The following PCBP2 variants were observed in gnomAD, a reference collection of about 807,000 sequenced individuals.
The protein encoded by PCBP2 is poly(rC)-binding protein 2.
In PCBP2, 4 loss-of-function variants were observed where a neutral mutation model predicts 50.1. The ratio of observed to expected loss-of-function variants is 0.08; its 90% CI spans 0.04 to 0.18. The LOEUF (loss-of-function observed/expected upper bound fraction) is 0.18. PCBP2 is among the 10% of genes least tolerant of loss of function. The pLI, the probability that PCBP2 is intolerant of heterozygous loss-of-function variation, is 1.00. For synonymous variants in PCBP2, 179 were observed against 168.0 expected (o/e 1.07, Z -0.51); for missense variants, 161 against 474.3 (o/e 0.34, Z 6.14).
rs571166030 is a variant in PCBP2, at chr12:53,452,833, C to T, written c.-76+457C>T. 19 of 151,556 alleles carry T rather than the reference C, an allele frequency of 1.3e-4. No individual in the cohort carries two copies. The South Asian group carries it at 3.6e-3, about 29-fold the overall frequency. 9.4% of individuals were successfully genotyped at this position (151,556 alleles called of 1,614,324 possible). A position where few individuals can be genotyped will look rare whatever the true frequency, so the allele number is the denominator to read the frequency against. ...CCCCCGACCGAACCGTTTATTTTTT[C>T]CCCCCTCTTTCTAGTCGAGGGAAGG... On this transcript the variant is annotated intron_variant, in intron 1 of 14. Transcript: ENST00000546463.
chr12:53,457,726 C>T (rs1941138550), intron 5 of PCBP2, among the ~76,000 whole-genome samples: 1 of 151,960 alleles, frequency 6.6e-6, no homozygotes, highest in Non-Finnish European at 1.5e-5. Flanking sequence ...TAAACATGTC[C>T]TTGTCTTTAG....
At chr12:53,459,990 C>T in intron 6 of PCBP2, 1 of 359,382 alleles carries the variant, frequency 2.8e-6, no homozygotes, top group Non-Finnish European at 5.9e-6. Context: ...AACTCCTGAG[C>T]TCAAGCAATC....
intron 1 of PCBP2, 41 bp from the exon 2 acceptor site, chr12:53,454,685 G>C: frequency 2.8e-6 from 2 of 727,154 alleles, no homozygotes; most frequent in Non-Finnish European, 5.0e-6. Flanking sequence ...TAATAACCTT[G>C]TTGTTTTCCT....
chr12:53,468,763 CT>C lies in PCBP2; in HGVS notation c.827-12del. ...GCTGTGCATTGAATTTGCTTGCTCT[CT>C]TCTGTCTTTTAGCAGGTTTGGATGC... is the stretch of plus-strand genomic sequence containing the variant. On this transcript the variant is annotated splice_polypyrimidine_tract_variant and intron_variant, in intron 12 of 14. Transcript: ENST00000546463. 1 of 1,608,634 alleles carries C rather than the reference CT, an allele frequency of 6.2e-7. No homozygotes were observed. Among genetic ancestry groups the C allele is most frequent in the Non-Finnish European group, 8.5e-7 (1 of 1,175,142 alleles).
At chr12:53,456,089 C>T (rs948998070) in intron 5 of PCBP2, 88 bp downstream of exon 5, 6 of 812,148 alleles carry the variant, frequency 7.4e-6, no homozygotes, top group Non-Finnish European at 1.1e-5. Context: ...AATTCAAGGA[C>T]ACACTGGACC....
rs563919212 is a variant in PCBP2, at chr12:53,459,247, A to T, written c.244-25A>T. On this transcript the variant is annotated intron_variant, in intron 5 of 14. Transcript: ENST00000546463. ...GTTACTAGTTTCCAGGGATCTGCTT[A>T]TTGTGGTGTTCTTTCTTTCTGTAGG... 1.3e-5 allele frequency: 20 copies of T among 1,575,774 alleles called. No homozygotes were observed. The African/African-American group carries it at 2.6e-4, about 20-fold the overall frequency.
Position 53,471,632 on chromosome 12 carries a change from C to G in PCBP2, c.883-6C>G. ...CGGTGTGCCTTGTTTTTCTTTCTCC[C>G]TTAAGTTGATTGGCTGCATAATCGG... On this transcript the variant is annotated splice_region_variant and splice_polypyrimidine_tract_variant and intron_variant, in intron 13 of 14. Coordinates refer to ENST00000546463, the MANE Select transcript of PCBP2 (RefSeq NM_031989.5). 6.2e-7 allele frequency: 1 copy of G among 1,608,822 alleles called. No individual in the cohort carries two copies. Among genetic ancestry groups the G allele is most frequent in the Non-Finnish European group, 8.5e-7 (1 of 1,177,454 alleles).
At position 53,481,097 on chromosome 12, in the gene PCBP2, A is replaced by AT. The variant is rs1343368540; in HGVS notation, c.*1657dup. ...CTGGGACAGCCCCATCTTTCTGTTG[A>AT]TTATGTGGCGCATATATATATATAT... On this transcript the variant is annotated 3_prime_UTR_variant, in exon 15 of 15. Coordinates refer to ENST00000546463, the MANE Select transcript of PCBP2 (RefSeq NM_031989.5). 1 of 583,814 alleles carries AT rather than the reference A, an allele frequency of 1.7e-6. No homozygotes were observed. The highest frequency in any genetic ancestry group is 2.0e-5 in the African/African-American group (1 of 49,382). The allele number at this position is 583,814 out of a possible 1,614,324, so 36.2% of individuals were successfully genotyped here.
At chr12:53,477,597 C>T (rs146349770) in intron 14 of PCBP2, among the ~76,000 whole-genome samples, 8 of 123,954 alleles carry the variant, frequency 6.5e-5, no homozygotes, top group Admixed American at 1.0e-4. Context: ...ACCTGGGAGG[C>T]GGAGCTTGCA....
At chr12:53,463,470 T>C (rs1374131366) in intron 8 of PCBP2, among the ~76,000 whole-genome samples, 1 of 152,218 alleles carries the variant, frequency 6.6e-6, no homozygotes, top group Non-Finnish European at 1.5e-5. Flanking sequence ...GTACAGGCTT[T>C]GTTTTGTCAT....
chr12:53,473,430 G>C (rs541898840), intron 14 of PCBP2, among the ~76,000 whole-genome samples: 1 of 152,274 alleles, frequency 6.6e-6, no homozygotes, highest in African/African-American at 2.4e-5. Context: ...GAAGTTTTCA[G>C]TTTTCAGTGG....
chr12:53,470,128 T>C (rs1400333559), intron 13 of PCBP2, among the ~76,000 whole-genome samples: 1 of 151,904 alleles, frequency 6.6e-6, no homozygotes, highest in Non-Finnish European at 1.5e-5. Context: ...CTCATGCATA[T>C]AATCCCAGCA....
intron 5 of PCBP2, among the ~76,000 whole-genome samples, chr12:53,456,647 T>G (rs1941041040): frequency 6.6e-6 from 1 of 152,202 alleles, no homozygotes; most frequent in Non-Finnish European, 1.5e-5. Context: ...CCTGATGATT[T>G]TAGGTTAAAA....
intron 4 of PCBP2, among the ~76,000 whole-genome samples, 196 bp downstream of exon 4, chr12:53,455,689 A>G (rs1940955255): frequency 6.6e-6 from 1 of 152,058 alleles, no homozygotes; most frequent in Non-Finnish European, 1.5e-5. Context: ...TTGACAAGTC[A>G]GAATTCTTTC....
chr12:53,459,012 A>T (rs1173514071), intron 5 of PCBP2, among the ~76,000 whole-genome samples: 1 of 152,118 alleles, frequency 6.6e-6, no homozygotes, highest in Non-Finnish European at 1.5e-5. Context: ...ACAGATTATT[A>T]CTTTTATCCT....
chr12:53,471,924 GT>G (rs377649740), intron 14 of PCBP2, 117 bp downstream of exon 14: 51,596 of 430,656 alleles, frequency 0.12, 4 homozygotes, highest in East Asian at 0.17. Flanking sequence ...TGGCCAAAAG[GT>G]TTTTTTTTTT....
At chr12:53,466,801 T>C (rs1211060376) in intron 10 of PCBP2, among the ~76,000 whole-genome samples, 1 of 152,052 alleles carries the variant, frequency 6.6e-6, no homozygotes, top group Non-Finnish European at 1.5e-5. Context: ...CCCCCTCATC[T>C]CCTTCCCTCT....
At chr12:53,475,473 C>T (rs1270941846) in intron 14 of PCBP2, 5 of 269,606 alleles carry the variant, frequency 1.9e-5, no homozygotes, top group Admixed American at 5.1e-5. Flanking sequence ...TGTTACTTTT[C>T]TTTGTAGCTT....
intron 4 of PCBP2, 61 bp from the exon 5 acceptor site, chr12:53,455,824 A>C (rs1294678656): frequency 8.9e-7 from 1 of 1,122,010 alleles, no homozygotes; most frequent in East Asian, 2.3e-5. Flanking sequence ...GGGACTGTAG[A>C]TCCTGTACAT....
Sources: allele counts gnomAD v4.1 joint callset (sites outside exome capture counted in the v4.1 genomes callset), GRCh38; gene constraint gnomAD v4.1.1; transcripts MANE v1.5; gene names NCBI Gene and HGNC (gene_info 2026-07-23, HGNC 2026-07-21).